The following ARL14EP variants were observed in gnomAD, a reference collection of about 807,000 sequenced individuals.
ARL14EP encodes ARF like GTPase 14 effector protein.
Under a neutral mutation model 23.1 loss-of-function variants are expected in ARL14EP, and 12 were observed. The observed-to-expected ratio is 0.52, with a 90% CI of 0.33 to 0.84. The LOEUF (loss-of-function observed/expected upper bound fraction) is 0.84. Among genes scored for constraint, ARL14EP ranks in the 40% least tolerant of loss-of-function variants. ARL14EP has a pLI of 0.02. For synonymous variants in ARL14EP, 97 were observed against 102.0 expected (o/e 0.95, Z 0.29); for missense variants, 253 against 307.3 (o/e 0.82, Z 1.32).
chr11:30,331,192 C>G lies in ARL14EP; in HGVS notation c.244C>G (p.His82Asp). ...GTCATGTTGTGACCCATTTAACATA[C>G]ACAAGAAATTAGCCAAAAAAAATTT... ...QKSCCDPFNI[H>D]KKLAKKNLHV... The change falls in exon 2 of 4, where the codon CAC (histidine) becomes GAC (aspartate). Residue 82 changes from histidine (H) to aspartate (D), a missense_variant. By Grantham distance (81) the His-to-Asp change is moderately conservative. Coordinates refer to ENST00000282032, the MANE Select transcript of ARL14EP (RefSeq NM_152316.3). 1.2e-6 allele frequency: 2 copies of G among 1,613,860 alleles called. No homozygotes were observed. Among genetic ancestry groups the G allele is most frequent in the South Asian group, 1.1e-5 (1 of 91,070 alleles).
chr11:30,323,619 A>G (rs1947213464), intron 1 of ARL14EP, among the ~76,000 whole-genome samples: 2 of 152,300 alleles, frequency 1.3e-5, no homozygotes, highest in African/African-American at 4.8e-5. Flanking sequence ...GCCAAAGGCT[A>G]ATGTTTATTT....
chr11:30,332,865 G>A lies in ARL14EP; in HGVS notation c.427-1G>A. 1 of 1,612,756 alleles carries A rather than the reference G, an allele frequency of 6.2e-7. No individual in the cohort carries two copies. The highest frequency in any genetic ancestry group is 1.3e-5 in the African/African-American group (1 of 74,978). On this transcript the variant is annotated splice_acceptor_variant, in intron 2 of 3. Coordinates refer to ENST00000282032, the MANE Select transcript of ARL14EP (RefSeq NM_152316.3). LOFTEE classifies it high-confidence loss of function. ...TTGATAATTTGTTTACCTTTCTTCAGGGAAGAACTGCTAAAGCTTTGAGGT... is the reference window on the plus strand; with the variant it reads ...TTGATAATTTGTTTACCTTTCTTCAAGGAAGAACTGCTAAAGCTTTGAGGT...
At chr11:30,336,486 C>CTT (rs554950398) in intron 3 of ARL14EP, 81 bp from the exon 4 acceptor site, 114 of 743,370 alleles carry the variant, frequency 1.5e-4, no homozygotes, top group Non-Finnish European at 1.9e-4. Flanking sequence ...ATTTTATCTC[C>CTT]TTTTTTTTTT....
intron 2 of ARL14EP, among the ~76,000 whole-genome samples, chr11:30,332,194 A>G (rs950246930): frequency 8.6e-5 from 13 of 151,762 alleles, no homozygotes; most frequent in African/African-American, 3.1e-4. Flanking sequence ...ACCAAGTTAA[A>G]AGATAGTTGA....
chr11:30,328,961 T>A (rs1045469216), intron 1 of ARL14EP: 3 of 152,132 alleles, frequency 2.0e-5, no homozygotes, highest in Admixed American at 6.5e-5. Flanking sequence ...CCAACTTTTT[T>A]TTTTAATTTG....
At chr11:30,336,545 T>C in intron 3 of ARL14EP, 22 bp from the exon 4 acceptor site, 12 of 1,556,140 alleles carry the variant, frequency 7.7e-6, no homozygotes, top group Non-Finnish European at 1.1e-5. Context: ...TGAGGTATAA[T>C]TCATTGTGTT....
intron 1 of ARL14EP, among the ~76,000 whole-genome samples, chr11:30,325,928 G>A (rs952033965): frequency 7.2e-5 from 11 of 152,098 alleles, no homozygotes; most frequent in African/African-American, 2.4e-4. Context: ...TTGTAAAATA[G>A]CTCCAAGATG....
At chr11:30,325,471 C>T (rs770963385) in intron 1 of ARL14EP, among the ~76,000 whole-genome samples, 3 of 152,106 alleles carry the variant, frequency 2.0e-5, no homozygotes, top group Non-Finnish European at 2.9e-5. Flanking sequence ...CAGCACAGGG[C>T]TCAAGCAAAA....
At chr11:30,335,755 C>CA (rs148912764) in intron 3 of ARL14EP, among the ~76,000 whole-genome samples, 17,386 of 136,552 alleles carry the variant, frequency 0.13, 1,001 homozygotes, top group Non-Finnish European at 0.15. Context: ...ACTGGAAAAG[C>CA]AAAAAAATAT....
In ARL14EP at chr11:30,337,390, A is replaced by G. The variant is rs1311116200; in HGVS notation, c.*595A>G. 1.3e-5 allele frequency: 2 copies of G among 153,362 alleles called. No individual in the cohort carries two copies. The highest frequency in any genetic ancestry group is 4.8e-5 in the African/African-American group (2 of 41,444). The allele number at this position is 153,362 out of a possible 1,614,324, so 9.5% of individuals were successfully genotyped here. A position where few individuals can be genotyped will look rare whatever the true frequency, so the allele number is the denominator to read the frequency against. ...CTCTCTGTCATCTACTTGACATTCT[A>G]TAGAAGTGAACACTCGAAAGAACTG... is the stretch of plus-strand genomic sequence containing the variant. On this transcript the variant is annotated 3_prime_UTR_variant, in exon 4 of 4. Coordinates refer to ENST00000282032, the MANE Select transcript of ARL14EP (RefSeq NM_152316.3).
chr11:30,337,909 A>G lies in ARL14EP; in HGVS notation c.*1114A>G, dbSNP rs1947346580. ...ATTACAGTGTACTAAATATTTTTAA[A>G]CATTTTTGCATTTTTTTCTACATTT... On this transcript the variant is annotated 3_prime_UTR_variant, in exon 4 of 4. Transcript: ENST00000282032. 1 of 152,220 alleles carries G rather than the reference A, an allele frequency of 6.6e-6. No homozygotes were observed. The highest frequency in any genetic ancestry group is 2.1e-4 in the South Asian group (1 of 4,836). 9.4% of individuals were successfully genotyped at this position (152,220 alleles called of 1,614,324 possible).
Position 30,336,584 on chromosome 11 carries a change from A to C in ARL14EP, c.572A>C (p.Lys191Thr), listed in dbSNP as rs1267864652. The change falls in exon 4 of 4, where the codon AAG (lysine) becomes ACG (threonine). Residue 191 changes from lysine to threonine, a missense_variant. Lys to Thr is a moderately conservative substitution (Grantham distance 78, BLOSUM62 -1). Coordinates refer to ENST00000282032, the MANE Select transcript of ARL14EP (RefSeq NM_152316.3). The stretch of plus-strand genomic sequence containing the variant: ...TTTTACAGACAAGTGATACCAGCAA[A>C]GAGTAAGGTCTATGATAGCCAGGGT... ...AGSDRQVIPAKSKVYDSQGLL... is the reference protein window; with the variant it reads ...AGSDRQVIPATSKVYDSQGLL... 1 of 1,613,668 alleles carries C rather than the reference A, an allele frequency of 6.2e-7. No homozygotes were observed. The highest frequency in any genetic ancestry group is 1.1e-5 in the South Asian group (1 of 91,050).
chr11:30,332,811 T>C (rs1223702900), intron 2 of ARL14EP, 55 bp from the exon 3 acceptor site: 18 of 1,593,382 alleles, frequency 1.1e-5, no homozygotes, highest in South Asian at 6.7e-5. Context: ...AATAAAATGT[T>C]AATCTGTTGT....
chr11:30,334,208 CTT>C (rs36111177), intron 3 of ARL14EP, among the ~76,000 whole-genome samples: 2,346 of 85,474 alleles, frequency 0.027, 21 homozygotes, highest in African/African-American at 0.053. Context: ...GACCAGCCTT[CTT>C]TTTTTTTTTT....
In ARL14EP at chr11:30,331,225, A is replaced by G. The variant is rs1385282101; in HGVS notation, c.277A>G (p.Ile93Val). 1 of 1,613,976 alleles carries G rather than the reference A, an allele frequency of 6.2e-7. No homozygotes were observed. The highest frequency in any genetic ancestry group is 8.5e-7 in the Non-Finnish European group (1 of 1,179,890). ...ATTAGCCAAAAAAAATTTGCATGTA[A>G]TTGACTTAGATGATGCCACTTTTCT... The part of the protein sequence containing the change: ...KKLAKKNLHV[I>V]DLDDATFLSA... Residue 93 changes from isoleucine to valine, a missense_variant, in exon 2 of 4, where the codon ATT (isoleucine) becomes GTT (valine). Transcript: ENST00000282032.
intron 1 of ARL14EP, chr11:30,329,565 T>C (rs552560892): frequency 6.6e-6 from 1 of 152,320 alleles, no homozygotes; most frequent in East Asian, 1.9e-4. Flanking sequence ...ACCAAAGTTA[T>C]TATAAGGAGC....
intron 1 of ARL14EP, among the ~76,000 whole-genome samples, chr11:30,324,371 T>C (rs1411196753): frequency 6.6e-6 from 1 of 152,150 alleles, no homozygotes; most frequent in African/African-American, 2.4e-5. Context: ...ATGTTACTTT[T>C]CCCACTAATA....
At chr11:30,331,851 C>T in intron 2 of ARL14EP, 3 of 964,916 alleles carry the variant, frequency 3.1e-6, no homozygotes, top group Non-Finnish European at 3.7e-6. Context: ...TCCTTTGACA[C>T]TGTCTCGTTC....
intron 1 of ARL14EP, among the ~76,000 whole-genome samples, chr11:30,323,933 C>T (rs1179777429): frequency 1.3e-5 from 2 of 152,340 alleles, no homozygotes; most frequent in South Asian, 4.1e-4. Flanking sequence ...TGAACCAAAT[C>T]TTTTCAATGG....
Sources: gnomAD v4.1 joint callset for allele counts (sites outside exome capture counted in the v4.1 genomes callset) on GRCh38, gnomAD v4.1.1 for gene constraint, MANE v1.5 for transcripts, NCBI Gene and HGNC (gene_info 2026-07-23, HGNC 2026-07-21) for gene names.